The following ZNF596 variants were observed in gnomAD, a reference collection of about 807,000 sequenced individuals.
ZNF596 encodes zinc finger protein 596.
Under a neutral mutation model 48.3 loss-of-function variants are expected in ZNF596, and 45 were observed. The ratio of observed to expected loss-of-function variants is 0.93; its 90% CI spans 0.73 to 1.19. The LOEUF (loss-of-function observed/expected upper bound fraction) is 1.19. ZNF596 is among the 50% of genes most tolerant of loss of function. ZNF596 has a pLI of 0.00. For missense variants in ZNF596, 848 were observed against 599.7 expected (o/e 1.41, Z -4.32); for synonymous variants, 270 against 202.0 (o/e 1.34, Z -2.85).
rs1281331858 is a variant in ZNF596 at position 242,893 on chromosome 8, A to G, written c.19A>G (p.Met7Val). 7 of 1,556,286 alleles carry G rather than the reference A, an allele frequency of 4.5e-6. No homozygotes were observed. The highest frequency in any genetic ancestry group is 1.4e-5 in the African/African-American group (1 of 73,202). Residue 7 changes from methionine to valine, a missense_variant, in exon 3 of 6, where the codon ATG becomes GTG. By Grantham distance (21) the Met-to-Val change is conservative. Transcript: ENST00000398612. ...AATGTCCATAATGTTTTAGGATTCCATGACCTTCGAGGATATCATTGTAGA... is the reference window on the plus strand; with the variant it reads ...AATGTCCATAATGTTTTAGGATTCCGTGACCTTCGAGGATATCATTGTAGA... MPSPDS[M>V]TFEDIIVDFT... is the part of the protein sequence containing the mutation.
chr8:233,236 G>C, intron 1 of ZNF596: 2 of 416,370 alleles, frequency 4.8e-6, no homozygotes, highest in South Asian at 3.7e-5. Flanking sequence ...AATCAGCAGA[G>C]ATATGGAGGA....
intron 1 of ZNF596, chr8:237,103 TG>T (rs1796647658): frequency 6.6e-6 from 1 of 152,208 alleles, no homozygotes; most frequent in African/African-American, 2.4e-5. Context: ...ACTCTTTTTG[TG>T]GAAAGTAATA....
chr8:237,260 T>C (rs1447898510), intron 1 of ZNF596: 1 of 152,178 alleles, frequency 6.6e-6, no homozygotes, highest in East Asian at 1.9e-4. Context: ...TCAAAACTTT[T>C]TAATTATTGA....
intron 5 of ZNF596, 44 bp downstream of exon 5, chr8:244,745 T>A (rs1271254264): frequency 6.5e-7 from 1 of 1,527,968 alleles, no homozygotes; most frequent in Non-Finnish European, 9.0e-7. Flanking sequence ...TATAGAAACC[T>A]GGACATTAAA....
intron 4 of ZNF596, chr8:244,236 C>T (rs1305293271): frequency 9.0e-6 from 2 of 221,708 alleles, no homozygotes; most frequent in African/African-American, 2.4e-5. Flanking sequence ...AGGCAAAAAC[C>T]TGAGGGAAAC....
At chr8:240,690 G>C (rs1796817633) in intron 1 of ZNF596, 134 bp from the exon 2 acceptor site, 1 of 602,064 alleles carries the variant, frequency 1.7e-6, no homozygotes, top group East Asian at 2.8e-5. Context: ...GGAGAGGAGA[G>C]CCACCAACCC....
In ZNF596 at chr8:240,819, C is replaced by A; in HGVS notation, c.-72-5C>A. ...TTTTTTGTTTTTGTTTTTGTTTTTG[C>A]TCAGATTTGTCTTCTTAGTGCTTGG... On this transcript the variant is annotated splice_region_variant and splice_polypyrimidine_tract_variant and intron_variant, in intron 1 of 5. Transcript: ENST00000398612. The A allele has an allele frequency of 6.3e-7, 1 of 1,580,490 alleles. No homozygotes were observed. The highest frequency in any genetic ancestry group is 1.7e-4 in the Middle Eastern group (1 of 5,984).
chr8:245,827 G>C lies in ZNF596; in HGVS notation c.980G>C (p.Arg327Thr), dbSNP rs773899860. 1.2e-6 allele frequency: 2 copies of C among 1,614,042 alleles called. No individual in the cohort carries two copies. The highest frequency in any genetic ancestry group is 3.3e-5 in the Admixed American group (2 of 60,006). ...TGTTCTTACCTTAGACAACATGAAAGAACTCACAATGGAGAGAAACCATAT... is the reference window on the plus strand; with the variant it reads ...TGTTCTTACCTTAGACAACATGAAACAACTCACAATGGAGAGAAACCATAT... ...SKCSYLRQHERTHNGEKPYEC... is the reference protein window; with the variant it reads ...SKCSYLRQHETTHNGEKPYEC... Residue 327 changes from arginine (R) to threonine (T), a missense_variant, in exon 6 of 6, where the codon AGA (arginine) becomes ACA (threonine). Coordinates refer to ENST00000398612, the MANE Select transcript of ZNF596 (RefSeq NM_001042416.3).
Position 246,974 on chromosome 8 carries a change from G to A in ZNF596, c.*612G>A, listed in dbSNP as rs1413060166. On this transcript the variant is annotated 3_prime_UTR_variant, in exon 6 of 6. Coordinates refer to ENST00000398612, the MANE Select transcript of ZNF596 (RefSeq NM_001042416.3). Reference sequence around the variant, plus strand: ...TTCTATAATAGATCAGAATTCACATGGTGTAGAACTCTCAATGACATGAAT... The same window carrying A: ...TTCTATAATAGATCAGAATTCACATAGTGTAGAACTCTCAATGACATGAAT... The A allele has an allele frequency of 6.6e-6, 1 of 152,312 alleles. No homozygotes were observed. The highest frequency in any genetic ancestry group is 2.4e-5 in the African/African-American group (1 of 41,426). The allele number at this position is 152,312 out of a possible 1,614,324, so 9.4% of individuals were successfully genotyped here.
At chr8:241,576 T>G (rs1023992561) in intron 2 of ZNF596, among the ~76,000 whole-genome samples, 4 of 152,214 alleles carry the variant, frequency 2.6e-5, no homozygotes, top group Admixed American at 1.3e-4. Flanking sequence ...GTTTCTTTAA[T>G]TTTGGTTGTG....
Position 245,134 on chromosome 8 carries a change from C to A in ZNF596, c.307-20C>A. Reference sequence around the variant, plus strand: ...TGTGGATAAACCTTTAATAGTCTTTCATTTCATTCCCAAAACCAGAGATCT... The same window carrying A: ...TGTGGATAAACCTTTAATAGTCTTTAATTTCATTCCCAAAACCAGAGATCT... On this transcript the variant is annotated intron_variant, in intron 5 of 5. Transcript: ENST00000398612. The A allele has an allele frequency of 6.5e-7, 1 of 1,549,812 alleles. No homozygotes were observed. The highest frequency in any genetic ancestry group is 1.3e-5 in the South Asian group (1 of 79,018).
intron 5 of ZNF596, 88 bp downstream of exon 5, chr8:244,789 ACTTAAAGC>A: frequency 9.4e-7 from 1 of 1,059,096 alleles, no homozygotes; most frequent in South Asian, 1.4e-5. Context: ...ACCTGACTGT[ACTTAAAGC>A]CCTCCCAGCA....
intron 2 of ZNF596, among the ~76,000 whole-genome samples, chr8:241,878 G>GAAGC (rs1796866805): frequency 6.6e-6 from 1 of 152,170 alleles, no homozygotes; most frequent in Non-Finnish European, 1.5e-5. Flanking sequence ...GGTGGAAGGG[G>GAAGC]AAGCAAGCAC....
chr8:246,448 C>A lies in ZNF596; in HGVS notation c.*86C>A. 1.4e-6 allele frequency: 2 copies of A among 1,474,146 alleles called. No individual in the cohort carries two copies. The highest frequency in any genetic ancestry group is 2.3e-5 in the East Asian group (1 of 43,866). The allele number at this position is 1,474,146 out of a possible 1,614,324, so 91.3% of individuals were successfully genotyped here. On this transcript the variant is annotated 3_prime_UTR_variant, in exon 6 of 6. Coordinates refer to ENST00000398612, the MANE Select transcript of ZNF596 (RefSeq NM_001042416.3). ...TATGTCTGTAATCAGTGTGGAAAAG[C>A]CTTTATTTATATTTACCACTTTGCT...
Position 247,083 on chromosome 8 carries a change from GA to G in ZNF596, c.*726del, listed in dbSNP as rs1313927922. ...AGAAAACTATCTTGACAGGATAGTG[GA>G]AAAACCTTCAGGCAGCTTTTATGTC... On this transcript the variant is annotated 3_prime_UTR_variant, in exon 6 of 6. Coordinates refer to ENST00000398612, the MANE Select transcript of ZNF596 (RefSeq NM_001042416.3). 5.3e-5 allele frequency: 8 copies of G among 152,250 alleles called. No individual in the cohort carries two copies. The highest frequency in any genetic ancestry group is 6.8e-3 in the Middle Eastern group (2 of 294). The allele number at this position is 152,250 out of a possible 1,614,324, so 9.4% of individuals were successfully genotyped here.
In ZNF596 at chr8:247,287, G is replaced by A. The variant is rs1378783427; in HGVS notation, c.*925G>A. 4 of 152,190 alleles carry A rather than the reference G, an allele frequency of 2.6e-5. No individual in the cohort carries two copies. The highest frequency in any genetic ancestry group is 4.4e-5 in the Non-Finnish European group (3 of 68,036). The allele number at this position is 152,190 out of a possible 1,614,324, so 9.4% of individuals were successfully genotyped here. ...AATTCTGAAATAACCTGGGAATATT[G>A]AATGCAGAATTATGTAAGAAGTAAT... is the stretch of plus-strand genomic sequence containing the variant. On this transcript the variant is annotated 3_prime_UTR_variant, in exon 6 of 6. Transcript: ENST00000398612.
upstream of ZNF596, chr8:232,357 C>G (rs992699403): frequency 5.4e-6 from 1 of 183,806 alleles, no homozygotes; most frequent in Non-Finnish European, 1.3e-5. Flanking sequence ...GGCCCCGCCC[C>G]TCGCGCGACG....
At chr8:238,069 G>C (rs760273250) in intron 1 of ZNF596, among the ~76,000 whole-genome samples, 5 of 152,202 alleles carry the variant, frequency 3.3e-5, no homozygotes, top group Non-Finnish European at 5.9e-5. Flanking sequence ...CATGAGGATG[G>C]ACATGCCTTT....
rs11986587 is a variant in ZNF596, at chr8:235,974, C to A, written c.-73+3280C>A. 7.6e-3 allele frequency among the ~76,000 whole-genome samples: 1,154 copies of A among 152,146 alleles called. 16 individuals are homozygous for A. Among genetic ancestry groups the A allele is most frequent in the African/African-American group, 0.027 (1,113 of 41,500 alleles). ...GACAAAATTGACTTTTAGACTAATTCTCATTTTTTACATGTAAAAGACCAC... is the reference window on the plus strand; with the variant it reads ...GACAAAATTGACTTTTAGACTAATTATCATTTTTTACATGTAAAAGACCAC... On this transcript the variant is annotated intron_variant, in intron 1 of 5. Transcript: ENST00000398612.
Sources: gnomAD v4.1 joint callset for allele counts (sites outside exome capture counted in the v4.1 genomes callset) on GRCh38, gnomAD v4.1.1 for gene constraint, MANE v1.5 for transcripts, NCBI Gene and HGNC (gene_info 2026-07-23, HGNC 2026-07-21) for gene names.